The following EIF3F variants were observed in gnomAD, a reference collection of about 807,000 sequenced individuals.
EIF3F encodes the protein eukaryotic translation initiation factor 3 subunit F.
In EIF3F, 8 loss-of-function variants were observed where a neutral mutation model predicts 36.0. The observed-to-expected ratio is 0.22, with a 90% CI of 0.13 to 0.40. EIF3F has a LOEUF of 0.40. Among genes scored for constraint, EIF3F ranks in the 10% least tolerant of loss-of-function variants. The pLI, the probability that EIF3F is intolerant of heterozygous loss-of-function variation, is 1.00. For missense variants in EIF3F, 430 were observed against 467.6 expected, an observed-to-expected ratio of 0.92 and a Z score of 0.74; for synonymous variants, 184 against 188.5, an observed-to-expected ratio of 0.98 and a Z score of 0.19.
At position 7,999,546 on chromosome 11, in the gene EIF3F, TC is replaced by T. The variant is rs1470838958; in HGVS notation, c.*3527del. 6.6e-6 allele frequency: 1 copy of T among 152,118 alleles called. No homozygotes were observed. Among genetic ancestry groups the T allele is most frequent in the African/African-American group, 2.4e-5 (1 of 41,434 alleles). 9.4% of individuals were successfully genotyped at this position (152,118 alleles called of 1,614,324 possible). Reference sequence around the variant, plus strand: ...GAAAAATAAAAATGTCTCCAAAAAATCCCTGCAGAGGGAAACTAGCCCTTCC... The same window carrying T: ...GAAAAATAAAAATGTCTCCAAAAAATCCTGCAGAGGGAAACTAGCCCTTCC... On this transcript the variant is annotated 3_prime_UTR_variant, in exon 8 of 8. Coordinates refer to ENST00000651655, the MANE Select transcript of EIF3F (RefSeq NM_003754.3).
chr11:7,988,755 G>A (rs1269185985), intron 1 of EIF3F, among the ~76,000 whole-genome samples: 1 of 152,188 alleles, frequency 6.6e-6, no homozygotes, highest in East Asian at 1.9e-4. Context: ...CATTTGCCAT[G>A]TGACTTGGGG....
chr11:7,999,373 T>G lies in EIF3F; in HGVS notation c.*3351T>G, dbSNP rs1942195053. 6.6e-6 allele frequency: 1 copy of G among 152,222 alleles called. No individual in the cohort carries two copies. Among genetic ancestry groups the G allele is most frequent in the South Asian group, 2.1e-4 (1 of 4,832 alleles). The allele number at this position is 152,222 out of a possible 1,614,324, so 9.4% of individuals were successfully genotyped here. ...AATGAGAAACATGAGATGTAATCAC[T>G]TGAAGGCATATCATGTTCTTGAATA... is the stretch of plus-strand genomic sequence containing the variant. On this transcript the variant is annotated 3_prime_UTR_variant, in exon 8 of 8. Coordinates refer to ENST00000651655, the MANE Select transcript of EIF3F (RefSeq NM_003754.3).
rs540023185 is a variant in EIF3F, at chr11:7,987,749, T to A, written c.364+33T>A. The A allele has an allele frequency of 3.8e-5, 55 of 1,461,290 alleles. No homozygotes were observed. The South Asian group carries it at 7.3e-4, about 19-fold the overall frequency. 90.5% of individuals were successfully genotyped at this position (1,461,290 alleles called of 1,614,324 possible). ...GTCAGAGAAAGTTAACATTCTTTTC[T>A]TCCTCCCACTTCTCATTTATCTCAC... On this transcript the variant is annotated intron_variant, in intron 1 of 7. Transcript: ENST00000651655.
chr11:7,990,580 A>G (rs1942080326), intron 1 of EIF3F, among the ~76,000 whole-genome samples: 1 of 152,220 alleles, frequency 6.6e-6, no homozygotes, highest in East Asian at 1.9e-4. Flanking sequence ...AGAAAACTAG[A>G]AGGAAAGTTT....
Position 7,987,590 on chromosome 11 carries a change from C to A in EIF3F, c.238C>A (p.Pro80Thr), listed in dbSNP as rs755015234. The change falls in exon 1 of 8, where the codon CCT (proline) becomes ACT (threonine). Residue 80 changes from proline (P) to threonine (T), a missense_variant. By Grantham distance (38) the Pro-to-Thr change is conservative (BLOSUM62 -1). Coordinates refer to ENST00000651655, the MANE Select transcript of EIF3F (RefSeq NM_003754.3). ...AQTPAPALPG[P>T]ALPGPFPGGR... ...GACCCCAGCGCCCGCTCTGCCTGGTCCTGCTCTTCCAGGGCCCTTCCCCGG... is the reference window on the plus strand; with the variant it reads ...GACCCCAGCGCCCGCTCTGCCTGGTACTGCTCTTCCAGGGCCCTTCCCCGG... 1.0e-5 allele frequency: 16 copies of A among 1,596,666 alleles called. No individual in the cohort carries two copies. Among genetic ancestry groups the A allele is most frequent in the Non-Finnish European group, 1.4e-5 (16 of 1,171,612 alleles).
chr11:7,988,642 A>G (rs1224981426), intron 1 of EIF3F, among the ~76,000 whole-genome samples: 1 of 152,222 alleles, frequency 6.6e-6, no homozygotes, highest in African/African-American at 2.4e-5. Context: ...ATTTACAAGC[A>G]TTCTTTCTCT....
rs141858138 is a variant in EIF3F, at chr11:7,994,709, G to A, written c.745+192G>A. On this transcript the variant is annotated intron_variant, in intron 5 of 7. Transcript: ENST00000651655. ...AGGAGTTATTTGAGAAACTGTTAAA[G>A]GTGGGAAATGATCAGCACCAGAGGC... is the stretch of plus-strand genomic sequence containing the variant. The A allele has an allele frequency of 2.4e-4, 166 of 690,626 alleles. 1 individual carries two copies. In the African/African-American group the frequency reaches 2.8e-3, roughly 12 times the overall value. The allele number at this position is 690,626 out of a possible 1,614,324, so 42.8% of individuals were successfully genotyped here.
chr11:7,989,022 G>T (rs527649725), intron 1 of EIF3F, among the ~76,000 whole-genome samples: 2 of 152,088 alleles, frequency 1.3e-5, no homozygotes, highest in Non-Finnish European at 2.9e-5. Context: ...AAGCTTTTGC[G>T]TTCTCTTTGC....
In EIF3F at chr11:7,992,129, A is replaced by T; in HGVS notation, c.481A>T (p.Lys161Ter). ...TGCTAAGAATATGTATGAACTGCAT[A>T]AAAAAGTTTCTCCAAATGAGCTCAT... ...EFAKNMYELH[K>*]KVSPNELILG... Residue 161 changes from lysine to a stop codon, truncating the protein, a stop_gained, in exon 3 of 8, where the codon AAA becomes TAA. Transcript: ENST00000651655. LOFTEE classifies it high-confidence loss of function. 1 of 1,613,686 alleles carries T rather than the reference A, an allele frequency of 6.2e-7. No individual in the cohort carries two copies.
At chr11:7,988,518 A>G (rs1297025640) in intron 1 of EIF3F, among the ~76,000 whole-genome samples, 1 of 152,238 alleles carries the variant, frequency 6.6e-6, no homozygotes, top group Non-Finnish European at 1.5e-5. Context: ...ATGGAAAAGC[A>G]CTAAAGAGGG....
rs1213535299 is a variant in EIF3F, at chr11:7,998,768, G to C, written c.*2746G>C. ...TCCCAATAATGTTTACTTTGGTGGT[G>C]AGAAGAGGATGGCAAGTAAAATAAG... On this transcript the variant is annotated 3_prime_UTR_variant, in exon 8 of 8. Transcript: ENST00000651655. The C allele has an allele frequency of 1.3e-5, 2 of 152,158 alleles. No individual in the cohort carries two copies. The highest frequency in any genetic ancestry group is 4.8e-5 in the African/African-American group (2 of 41,432). 9.4% of individuals were successfully genotyped at this position (152,158 alleles called of 1,614,324 possible). A position where few individuals can be genotyped will look rare whatever the true frequency, so the allele number is the denominator to read the frequency against.
chr11:7,989,199 T>G (rs1274842874), intron 1 of EIF3F, among the ~76,000 whole-genome samples: 1 of 152,234 alleles, frequency 6.6e-6, no homozygotes, highest in East Asian at 1.9e-4. Context: ...GCTCTGAGCT[T>G]CTGTAATAAA....
chr11:7,994,685 G>A, intron 5 of EIF3F, 168 bp downstream of exon 5: 1 of 718,414 alleles, frequency 1.4e-6, no homozygotes, highest in Non-Finnish European at 2.3e-6. Flanking sequence ...TGGGATTTAA[G>A]GAGTTATTTG....
chr11:7,992,234 G>GACTGGATCTTAT (rs1942105909), intron 3 of EIF3F, 71 bp downstream of exon 3: 2 of 1,318,322 alleles, frequency 1.5e-6, no homozygotes, highest in Non-Finnish European at 2.1e-6. Flanking sequence ...TTTGCTACTG[G>GACTGGATCTTAT]ACTGGATCTT....
rs148646503 is a variant in EIF3F, at chr11:7,995,962, C to T, written c.1014C>T (p.Thr338=). Residue 338 remains threonine, a synonymous_variant, in exon 8 of 8, where the codon ACC becomes ACT. Coordinates refer to ENST00000651655, the MANE Select transcript of EIF3F (RefSeq NM_003754.3). ...NSNINDLLMV[T]YLANLTQSQI... ...TCTTCCAGGACCTTTTGATGGTGAC[C>T]TACCTGGCCAACCTCACACAGTCAC... 1.2e-4 allele frequency: 186 copies of T among 1,613,940 alleles called. No homozygotes were observed. Among genetic ancestry groups the T allele is most frequent in the Non-Finnish European group, 1.5e-4 (178 of 1,179,836 alleles).
Position 7,987,516 on chromosome 11 carries a change from C to G in EIF3F, c.164C>G (p.Ala55Gly), listed in dbSNP as rs760687210. Reference protein sequence around the residue: ...SSSDPAAAAAATAAPGQTPAS... With the variant: ...SSSDPAAAAAGTAAPGQTPAS... Reference sequence around the variant, plus strand: ...TCAGACCCTGCGGCAGCAGCGGCTGCAACTGCGGCTCCTGGCCAGACCCCG... The same window carrying G: ...TCAGACCCTGCGGCAGCAGCGGCTGGAACTGCGGCTCCTGGCCAGACCCCG... The change falls in exon 1 of 8, where the codon GCA becomes GGA. Residue 55 changes from alanine to glycine, a missense_variant. This residue lies in a region of EIF3F where 168 missense variants were observed against 120.2 expected (regional missense o/e 1.40). Transcript: ENST00000651655. 6.2e-7 allele frequency: 1 copy of G among 1,606,514 alleles called. No homozygotes were observed. The highest frequency in any genetic ancestry group is 1.1e-5 in the South Asian group (1 of 90,452).
At chr11:7,995,769 T>G in intron 7 of EIF3F, 176 bp from the exon 8 acceptor site, 2 of 681,746 alleles carry the variant, frequency 2.9e-6, no homozygotes, top group East Asian at 2.5e-5. Flanking sequence ...TAAGAAAGCC[T>G]TCTCAAGCAT....
At chr11:7,992,036 T>C in intron 2 of EIF3F, 48 bp from the exon 3 acceptor site, 1 of 1,595,828 alleles carries the variant, frequency 6.3e-7, no homozygotes. Flanking sequence ...AACCAATTTT[T>C]CTTTGGACTT....
intron 7 of EIF3F, 53 bp from the exon 8 acceptor site, chr11:7,995,892 T>A: frequency 1.3e-6 from 2 of 1,533,648 alleles, no homozygotes; most frequent in Non-Finnish European, 1.8e-6. Flanking sequence ...AGCCAGCCTT[T>A]TTGCTCCCTT....
Sources: gnomAD v4.1 joint callset for allele counts (sites outside exome capture counted in the v4.1 genomes callset) on GRCh38, gnomAD v4.1.1 for gene constraint, gnomAD v4.1.1 regional missense constraint, MANE v1.5 for transcripts, NCBI Gene and HGNC (gene_info 2026-07-23, HGNC 2026-07-21) for gene names.